The following MMP20 variants were observed in gnomAD, a reference collection of about 807,000 sequenced individuals.
The protein encoded by MMP20 is matrix metallopeptidase 20, also known as matrix metalloproteinase-20.
In MMP20, 50 loss-of-function variants were observed where a neutral mutation model predicts 51.8. That is an observed-to-expected ratio of 0.97 (90% CI 0.77 to 1.22). The LOEUF (loss-of-function observed/expected upper bound fraction) is 1.22, where lower values mean the gene tolerates loss of function less well. MMP20 is among the 50% of genes most tolerant of loss of function. The pLI is 0.00. For missense variants in MMP20, 663 were observed against 601.4 expected, an observed-to-expected ratio of 1.10 and a Z score of -1.07; for synonymous variants, 244 against 216.2, an observed-to-expected ratio of 1.13 and a Z score of -1.13.
intron 3 of MMP20, 120 bp downstream of exon 3, chr11:102,611,635 G>A: frequency 1.6e-6 from 2 of 1,244,234 alleles, no homozygotes; most frequent in Non-Finnish European, 2.3e-6. Flanking sequence ...TCTTGGCCTT[G>A]GCCCATCACA....
At chr11:102,594,797 A>C (rs369768517) in intron 6 of MMP20, 40 bp from the exon 7 acceptor site, 11 of 1,588,370 alleles carry the variant, frequency 6.9e-6, no homozygotes, top group African/African-American at 1.4e-5. Context: ...AAAAATCAAG[A>C]TCAATGATTG....
intron 1 of MMP20, among the ~76,000 whole-genome samples, chr11:102,623,924 T>G (rs1859783091): frequency 6.6e-6 from 1 of 152,164 alleles, no homozygotes; most frequent in East Asian, 1.9e-4. Flanking sequence ...AAAATACAAT[T>G]GAATAAGGAT....
At chr11:102,593,953 T>C (rs1433211667) in intron 7 of MMP20, among the ~76,000 whole-genome samples, 1 of 152,244 alleles carries the variant, frequency 6.6e-6, no homozygotes, top group Non-Finnish European at 1.5e-5. Flanking sequence ...TTTACTTAAA[T>C]TGGCACTTGC....
chr11:102,593,730 T>G (rs1356793751), intron 7 of MMP20, 135 bp from the exon 8 acceptor site: 7 of 948,204 alleles, frequency 7.4e-6, no homozygotes, highest in Non-Finnish European at 1.1e-5. Context: ...CAACAAGAGA[T>G]ATAAGCTTCT....
intron 6 of MMP20, among the ~76,000 whole-genome samples, chr11:102,601,122 A>ATTTTT (rs1193022328): frequency 2.7e-5 from 1 of 36,986 alleles, no homozygotes; most frequent in Non-Finnish European, 5.7e-5. Flanking sequence ...AGTGTCGGCT[A>ATTTTT]TTCTTTTTTT....
chr11:102,592,324 G>A (rs778350072), intron 8 of MMP20, among the ~76,000 whole-genome samples: 2 of 152,158 alleles, frequency 1.3e-5, no homozygotes, highest in Non-Finnish European at 2.9e-5. Flanking sequence ...TCATGACACC[G>A]CATGACACTG....
intron 9 of MMP20, 32 bp from the exon 10 acceptor site, chr11:102,577,458 G>T: frequency 7.1e-7 from 1 of 1,414,950 alleles, no homozygotes; most frequent in Non-Finnish European, 1.0e-6. Context: ...TTGGGTTACT[G>T]AAGATGTCCA....
intron 8 of MMP20, among the ~76,000 whole-genome samples, chr11:102,584,500 G>A (rs1261803462): frequency 6.6e-6 from 1 of 152,090 alleles, no homozygotes; most frequent in Non-Finnish European, 1.5e-5. Flanking sequence ...TAATTGAATA[G>A]TCGTTTATAT....
chr11:102,581,746 T>TA (rs1489564357), intron 8 of MMP20, among the ~76,000 whole-genome samples: 1 of 152,134 alleles, frequency 6.6e-6, no homozygotes, highest in Non-Finnish European at 1.5e-5. Context: ...AAGAAATACC[T>TA]ACTTCTCAAG....
rs976563920 is a variant in MMP20 at position 102,617,281 on chromosome 11, A to G, written c.127-222T>C. 5.3e-5 allele frequency among the ~76,000 whole-genome samples: 8 copies of G among 152,142 alleles called. No individual in the cohort carries two copies. In the South Asian group the frequency reaches 1.4e-3, roughly 28 times the overall value. ...AGTGGGGATTATAGATTATTTAATT[A>G]TTTCCTTTTGTCCACCTGCATTTTA... On this transcript the variant is annotated intron_variant, in intron 1 of 9. Coordinates refer to ENST00000260228, the MANE Select transcript of MMP20 (RefSeq NM_004771.4).
intron 2 of MMP20, among the ~76,000 whole-genome samples, chr11:102,613,648 A>C (rs1274742003): frequency 6.6e-6 from 1 of 152,174 alleles, no homozygotes; most frequent in Non-Finnish European, 1.5e-5. Context: ...TAGGGTCCCA[A>C]ATGAAAGGAC....
chr11:102,607,873 G>A (rs753552807), intron 5 of MMP20: 2 of 152,098 alleles, frequency 1.3e-5, no homozygotes, highest in Non-Finnish European at 2.9e-5. Context: ...CCAAGGCTCT[G>A]GAGCTGAGTT....
chr11:102,617,945 G>T (rs1044342784), intron 1 of MMP20, among the ~76,000 whole-genome samples: 1 of 152,098 alleles, frequency 6.6e-6, no homozygotes, highest in Non-Finnish European at 1.5e-5. Flanking sequence ...TCATGTCCAT[G>T]GGGGAATTGG....
At chr11:102,615,637 C>T (rs1426783470) in intron 2 of MMP20, among the ~76,000 whole-genome samples, 1 of 152,230 alleles carries the variant, frequency 6.6e-6, no homozygotes, top group East Asian at 1.9e-4. Flanking sequence ...AGTTGCCCTT[C>T]AGGCTGCCCC....
At chr11:102,625,053 G>A (rs1859802855) in intron 1 of MMP20, 141 bp downstream of exon 1, 8 of 1,079,866 alleles carry the variant, frequency 7.4e-6, no homozygotes, top group Non-Finnish European at 1.1e-5. Flanking sequence ...GTGGACAGAA[G>A]ATAGCATCAG....
chr11:102,612,319 G>A (rs1859612733), intron 2 of MMP20, among the ~76,000 whole-genome samples: 1 of 152,154 alleles, frequency 6.6e-6, no homozygotes, highest in Non-Finnish European at 1.5e-5. Flanking sequence ...ACAAAAATTA[G>A]CTGGGCGTGG....
intron 1 of MMP20, among the ~76,000 whole-genome samples, chr11:102,618,884 G>A (rs1408117349): frequency 2.0e-5 from 3 of 152,260 alleles, no homozygotes; most frequent in South Asian, 2.1e-4. Context: ...GAGAGGGTAC[G>A]CTATTTTTTC....
At chr11:102,586,866 T>G (rs1488629840) in intron 8 of MMP20, among the ~76,000 whole-genome samples, 2 of 152,198 alleles carry the variant, frequency 1.3e-5, no homozygotes, top group East Asian at 3.8e-4. Context: ...GTAGAAAGTT[T>G]GTCACCTTTG....
chr11:102,604,637 C>G (rs1859491455), intron 6 of MMP20, among the ~76,000 whole-genome samples: 3 of 152,072 alleles, frequency 2.0e-5, no homozygotes, highest in Non-Finnish European at 4.4e-5. Context: ...CTCTAATTTG[C>G]CTTTGAAAAG....
Sources: gnomAD v4.1 joint callset for allele counts (sites outside exome capture counted in the v4.1 genomes callset) on GRCh38, gnomAD v4.1.1 for gene constraint, MANE v1.5 for transcripts, NCBI Gene and HGNC (gene_info 2026-07-23, HGNC 2026-07-21) for gene names.